Variants in SH3RF3 observed in about 807,000 individuals in gnomAD.
SH3RF3 encodes the protein E3 ubiquitin-protein ligase SH3RF3.
Under a neutral mutation model 66.3 loss-of-function variants are expected in SH3RF3, and 29 were observed. That is an observed-to-expected ratio of 0.44 (90% CI 0.33 to 0.60). SH3RF3 has a LOEUF of 0.60. SH3RF3 is among the 20% of genes least tolerant of loss of function. The pLI, the probability that SH3RF3 is intolerant of heterozygous loss-of-function variation, is 0.04. For missense variants in SH3RF3, 1,194 were observed against 1,190.9 expected (o/e 1.00, Z -0.04); for synonymous variants, 583 against 532.0 (o/e 1.10, Z -1.32).
At chr2:109,217,354 C>A (rs560137730) in intron 1 of SH3RF3, among the ~76,000 whole-genome samples, 11 of 152,342 alleles carry the variant, frequency 7.2e-5, no homozygotes, top group South Asian at 4.1e-4. Context: ...ACTGCACTTA[C>A]CATATCGTGA....
At chr2:109,404,171 G>A (rs901837867) in intron 4 of SH3RF3, among the ~76,000 whole-genome samples, 3 of 152,124 alleles carry the variant, frequency 2.0e-5, no homozygotes, top group African/African-American at 7.2e-5. Flanking sequence ...GGGAAGGAGG[G>A]GAAGTAAAGG....
chr2:109,370,215 GTCTCTGTCTCTGTC>G (rs1341653946), intron 2 of SH3RF3, among the ~76,000 whole-genome samples: 101 of 146,498 alleles, frequency 6.9e-4, no homozygotes, highest in African/African-American at 2.6e-3. Context: ...CTCTGTCTCT[GTCTCTGTCTCTGTC>G]TCTCTCTCTC....
chr2:109,328,649 G>A (rs568802292), intron 1 of SH3RF3, among the ~76,000 whole-genome samples: 2 of 152,138 alleles, frequency 1.3e-5, no homozygotes, highest in Admixed American at 1.3e-4. Flanking sequence ...ACTGATATAG[G>A]AAGGGAATTC....
chr2:109,488,616 T>C (rs146051569), intron 8 of SH3RF3, among the ~76,000 whole-genome samples: 27 of 152,286 alleles, frequency 1.8e-4, no homozygotes, highest in African/African-American at 6.3e-4. Context: ...CTTCTTTTCC[T>C]TTCTAGTTTC....
At position 109,329,479 on chromosome 2, in the gene SH3RF3, G is replaced by A. The variant is rs112779237; in HGVS notation, c.574-18195G>A. On this transcript the variant is annotated intron_variant, in intron 1 of 9. Coordinates refer to ENST00000309415, the MANE Select transcript of SH3RF3 (RefSeq NM_001099289.3). ...TGGTTCCAGAGGCCATGGCTGGAGC[G>A]GTGTCTTTCCCTCTGTGCTGGCTGG... Among the ~76,000 whole-genome samples, 73 of 152,270 alleles carry A rather than the reference G, an allele frequency of 4.8e-4. 1 individual carries two copies. The highest frequency in any genetic ancestry group is 1.6e-3 in the African/African-American group (66 of 41,550).
chr2:109,495,507 T>C (rs1222632340), intron 9 of SH3RF3, among the ~76,000 whole-genome samples: 1 of 90,852 alleles, frequency 1.1e-5, no homozygotes, highest in Non-Finnish European at 2.0e-5. Context: ...TTTTTTTTTT[T>C]TTGAGACAAA....
chr2:109,197,207 A>G (rs1411420853), intron 1 of SH3RF3, among the ~76,000 whole-genome samples: 4 of 152,154 alleles, frequency 2.6e-5, no homozygotes, highest in Admixed American at 1.3e-4. Context: ...CCTTCCTGCC[A>G]ACTCACTGCA....
At chr2:109,253,032 T>C (rs111506995) in intron 1 of SH3RF3, among the ~76,000 whole-genome samples, 2,844 of 152,040 alleles carry the variant, frequency 0.019, 93 homozygotes, top group African/African-American at 0.065. Context: ...TTTTTTTTCT[T>C]TTTTTTTATT....
intron 3 of SH3RF3, among the ~76,000 whole-genome samples, chr2:109,387,690 C>T (rs535221378): frequency 2.2e-4 from 34 of 152,346 alleles, no homozygotes; most frequent in African/African-American, 7.5e-4. Flanking sequence ...ATGTACTTCT[C>T]ACCATTCAAC....
At chr2:109,295,267 G>A (rs1030529265) in intron 1 of SH3RF3, among the ~76,000 whole-genome samples, 2 of 152,212 alleles carry the variant, frequency 1.3e-5, no homozygotes, top group African/African-American at 4.8e-5. Flanking sequence ...GGCCTGCGGT[G>A]GCTCCAGGAA....
At chr2:109,363,325 G>A (rs897499864) in intron 2 of SH3RF3, among the ~76,000 whole-genome samples, 2 of 152,074 alleles carry the variant, frequency 1.3e-5, no homozygotes, top group Non-Finnish European at 2.9e-5. Context: ...TGCTTTGCAA[G>A]CAGTATGAGT....
At chr2:109,249,231 C>T (rs1165797478) in intron 1 of SH3RF3, among the ~76,000 whole-genome samples, 1 of 152,226 alleles carries the variant, frequency 6.6e-6, no homozygotes, top group African/African-American at 2.4e-5. Flanking sequence ...CCGACTCCTA[C>T]CCTGTTCTTT....
intron 4 of SH3RF3, among the ~76,000 whole-genome samples, chr2:109,399,653 A>G (rs149300432): frequency 6.6e-6 from 1 of 152,238 alleles, no homozygotes; most frequent in Non-Finnish European, 1.5e-5. Flanking sequence ...GATTAAAAAA[A>G]TTTTTAAATA....
chr2:109,246,714 C>G (rs1184480133), intron 1 of SH3RF3, among the ~76,000 whole-genome samples: 1 of 152,202 alleles, frequency 6.6e-6, no homozygotes, highest in Non-Finnish European at 1.5e-5. Flanking sequence ...CTGGATGTCT[C>G]TGCTCAGATG....
intron 1 of SH3RF3, among the ~76,000 whole-genome samples, chr2:109,276,213 A>G (rs1490924638): frequency 6.6e-6 from 1 of 152,206 alleles, no homozygotes; most frequent in Non-Finnish European, 1.5e-5. Context: ...ACATCACCAT[A>G]TGTGTGAGTC....
intron 4 of SH3RF3, among the ~76,000 whole-genome samples, chr2:109,418,249 T>A (rs746353067): frequency 6.6e-6 from 1 of 152,118 alleles, no homozygotes; most frequent in African/African-American, 2.4e-5. Context: ...GTCTCCCTCC[T>A]TGAAGGGAGG....
In SH3RF3 at chr2:109,371,672, G is replaced by A. The variant is rs1340689672; in HGVS notation, c.936G>A (p.Leu312=). The part of the protein sequence containing the change: ...LGDKIGIFPL[L]YVELNDSAKQ... ...ACAAGATCGGGATCTTCCCGCTCCTGTACGTGGAGGTAAGACCGTGCCGCC... is the reference window on the plus strand; with the variant it reads ...ACAAGATCGGGATCTTCCCGCTCCTATACGTGGAGGTAAGACCGTGCCGCC... The change falls in exon 3 of 10, where the codon CTG becomes CTA. Residue 312 remains leucine (L), a synonymous_variant. Transcript: ENST00000309415. 6.2e-7 allele frequency: 1 copy of A among 1,613,572 alleles called. No individual in the cohort carries two copies. Among genetic ancestry groups the A allele is most frequent in the African/African-American group, 1.3e-5 (1 of 74,932 alleles).
chr2:109,166,888 T>A (rs1186302318), intron 1 of SH3RF3, among the ~76,000 whole-genome samples: 1 of 152,242 alleles, frequency 6.6e-6, no homozygotes, highest in Non-Finnish European at 1.5e-5. Flanking sequence ...TACTTAGGGC[T>A]TACTACTTTA....
intron 1 of SH3RF3, among the ~76,000 whole-genome samples, chr2:109,214,028 G>A (rs1383317635): frequency 5.3e-5 from 8 of 152,298 alleles, no homozygotes; most frequent in African/African-American, 1.7e-4. Flanking sequence ...TCTGAGACCA[G>A]CCCTGCAGTT....
Sources: allele counts gnomAD v4.1 joint callset (sites outside exome capture counted in the v4.1 genomes callset), GRCh38; gene constraint gnomAD v4.1.1; transcripts MANE v1.5; gene names NCBI Gene and HGNC (gene_info 2026-07-23, HGNC 2026-07-21).